THSD7B: variants seen among roughly 807,000 people sequenced by gnomAD.
THSD7B encodes thrombospondin type-1 domain-containing protein 7B.
In THSD7B, 138 loss-of-function variants were observed where a neutral mutation model predicts 213.6. The ratio of observed to expected loss-of-function variants is 0.65; its 90% CI spans 0.56 to 0.74. The LOEUF is 0.74. THSD7B is among the 30% of genes least tolerant of loss of function. The pLI, the probability that THSD7B is intolerant of heterozygous loss-of-function variation, is 0.00. For synonymous variants in THSD7B, 742 were observed against 687.0 expected, an observed-to-expected ratio of 1.08 and a Z score of -1.25; for missense variants, 1,931 against 1,991.5, an observed-to-expected ratio of 0.97 and a Z score of 0.58.
intron 1 of THSD7B, among the ~76,000 whole-genome samples, chr2:136,770,493 A>G (rs1374979952): frequency 6.6e-6 from 1 of 152,230 alleles, no homozygotes; most frequent in African/African-American, 2.4e-5. Context: ...CAGTAGGTCA[A>G]TGAGTATTGC....
At chr2:137,254,146 T>C (rs1230871430) in intron 10 of THSD7B, among the ~76,000 whole-genome samples, 1 of 152,182 alleles carries the variant, frequency 6.6e-6, no homozygotes, top group African/African-American at 2.4e-5. Flanking sequence ...TCTCTTGAAG[T>C]TGTTTTGAAA....
intron 15 of THSD7B, among the ~76,000 whole-genome samples, chr2:137,528,652 C>T (rs944404586): frequency 3.9e-5 from 6 of 152,032 alleles, no homozygotes; most frequent in Non-Finnish European, 5.9e-5. Flanking sequence ...AGCCATCCCA[C>T]ACTGCCTTTT....
intron 14 of THSD7B, among the ~76,000 whole-genome samples, chr2:137,415,055 C>CAAAAAAAAA (rs56403642): frequency 0.011 from 1,296 of 121,980 alleles, 39 homozygotes; most frequent in East Asian, 0.044. Flanking sequence ...GACCCTGTCT[C>CAAAAAAAAA]AAAAAAAAAA....
At chr2:136,969,779 C>T (rs1685375813) in intron 2 of THSD7B, among the ~76,000 whole-genome samples, 1 of 152,094 alleles carries the variant, frequency 6.6e-6, no homozygotes, top group Non-Finnish European at 1.5e-5. Context: ...TCCCAAGTCT[C>T]CCTAAAATGT....
intron 3 of THSD7B, among the ~76,000 whole-genome samples, chr2:137,074,885 CT>C (rs1235313689): frequency 6.6e-6 from 1 of 152,170 alleles, no homozygotes; most frequent in Non-Finnish European, 1.5e-5. Context: ...GTTGAAAATT[CT>C]TTTCTTTAAG....
chr2:136,957,435 ACG>A (rs72217708), intron 2 of THSD7B, among the ~76,000 whole-genome samples: 11,123 of 123,944 alleles, frequency 0.09, 664 homozygotes, highest in African/African-American at 0.17. Flanking sequence ...GGCCAATACA[ACG>A]TTTTTTTTTT....
At chr2:137,270,210 T>C (rs938088083) in intron 10 of THSD7B, among the ~76,000 whole-genome samples, 1 of 152,124 alleles carries the variant, frequency 6.6e-6, no homozygotes, top group African/African-American at 2.4e-5. Flanking sequence ...GATGTCTCTA[T>C]CCCTCCTCTT....
intron 2 of THSD7B, among the ~76,000 whole-genome samples, chr2:137,007,694 G>A (rs994491055): frequency 6.6e-6 from 1 of 152,066 alleles, no homozygotes; most frequent in Non-Finnish European, 1.5e-5. Context: ...CATTTTGGTA[G>A]CATAAAAAAG....
intron 2 of THSD7B, among the ~76,000 whole-genome samples, chr2:137,025,892 C>G (rs1193414800): frequency 1.3e-5 from 2 of 152,204 alleles, no homozygotes; most frequent in Non-Finnish European, 2.9e-5. Flanking sequence ...TATCAGCCAT[C>G]TCTGCCACAT....
rs1054653787 is a variant in THSD7B, at chr2:137,426,670, T to C, written c.2959+14798T>C. On this transcript the variant is annotated intron_variant, in intron 14 of 27. Transcript: ENST00000409968. ...CACAAACTCAAAATAGTTTAAAGAT[T>C]TGAATGTAAGACTTGAAGCAATAAA... Among the ~76,000 whole-genome samples, 9 of 152,154 alleles carry C rather than the reference T, an allele frequency of 5.9e-5. No individual in the cohort carries two copies. In the East Asian group the frequency reaches 1.7e-3, roughly 29 times the overall value.
chr2:137,225,616 C>T (rs1247935438), intron 7 of THSD7B, among the ~76,000 whole-genome samples: 1 of 152,082 alleles, frequency 6.6e-6, no homozygotes, highest in Non-Finnish European at 1.5e-5. Flanking sequence ...TAGTGCCAAA[C>T]TAATGATATT....
intron 20 of THSD7B, chr2:137,642,267 A>G (rs1047079578): frequency 1.4e-5 from 7 of 488,484 alleles, no homozygotes; most frequent in African/African-American, 1.2e-4. Context: ...GACTAAAAGA[A>G]GTAGAAGACA....
At chr2:137,220,867 A>T (rs1681351216) in intron 7 of THSD7B, among the ~76,000 whole-genome samples, 1 of 152,212 alleles carries the variant, frequency 6.6e-6, no homozygotes, top group Non-Finnish European at 1.5e-5. Flanking sequence ...TAATTCATAG[A>T]GACAGTAACA....
intron 15 of THSD7B, among the ~76,000 whole-genome samples, chr2:137,506,701 A>G (rs1000512130): frequency 2.0e-5 from 3 of 152,202 alleles, no homozygotes; most frequent in Admixed American, 1.3e-4. Context: ...ACTCTTTTAC[A>G]GGGCTCTTTC....
chr2:137,552,368 G>A (rs1680866402), intron 15 of THSD7B, among the ~76,000 whole-genome samples: 1 of 152,116 alleles, frequency 6.6e-6, no homozygotes, highest in African/African-American at 2.4e-5. Context: ...CAAACTAAAT[G>A]GGCAGAGCCT....
At chr2:137,127,490 TAAGTA>T (rs1205286845) in intron 5 of THSD7B, among the ~76,000 whole-genome samples, 4 of 152,304 alleles carry the variant, frequency 2.6e-5, no homozygotes, top group Admixed American at 6.5e-5. Flanking sequence ...AAAATGAAAT[TAAGTA>T]GGAGGAAACA....
chr2:136,850,496 G>T (rs1293299888), intron 1 of THSD7B, among the ~76,000 whole-genome samples: 1 of 151,868 alleles, frequency 6.6e-6, no homozygotes, highest in Non-Finnish European at 1.5e-5. Flanking sequence ...TTTTAAAAAG[G>T]GTTGTTCTGG....
chr2:137,247,982 T>G (rs1338075255), intron 10 of THSD7B, among the ~76,000 whole-genome samples: 2 of 152,162 alleles, frequency 1.3e-5, no homozygotes, highest in African/African-American at 4.8e-5. Context: ...TATAGAAATT[T>G]ACTATTGTTT....
chr2:137,191,176 G>A (rs1174952222), intron 7 of THSD7B, among the ~76,000 whole-genome samples: 1 of 152,180 alleles, frequency 6.6e-6, no homozygotes, highest in African/African-American at 2.4e-5. Flanking sequence ...GCAAGCAGGT[G>A]TATTGCTGCC....
Sources: gnomAD v4.1 joint callset for allele counts (sites outside exome capture counted in the v4.1 genomes callset) on GRCh38, gnomAD v4.1.1 for gene constraint, MANE v1.5 for transcripts, NCBI Gene and HGNC (gene_info 2026-07-23, HGNC 2026-07-21) for gene names.